EPB41L4A: variants seen among roughly 807,000 people sequenced by gnomAD.
EPB41L4A encodes the protein erythrocyte membrane protein band 4.1 like 4A, also known as band 4.1-like protein 4A.
Under a neutral mutation model 108.6 loss-of-function variants are expected in EPB41L4A, and 100 were observed. The observed-to-expected ratio is 0.92, with a 90% CI of 0.78 to 1.09. The LOEUF (loss-of-function observed/expected upper bound fraction) is 1.09. EPB41L4A is among the 50% of genes least tolerant of loss of function. The pLI is 0.00. For synonymous variants in EPB41L4A, 319 were observed against 289.0 expected (o/e 1.10, Z -1.05); for missense variants, 1,030 against 842.7 (o/e 1.22, Z -2.75).
intron 12 of EPB41L4A, among the ~76,000 whole-genome samples, chr5:112,225,049 T>G (rs1352123048): frequency 6.6e-6 from 1 of 152,266 alleles, no homozygotes; most frequent in African/African-American, 2.4e-5. Context: ...GAGCTATTAT[T>G]ATGTTACTGT....
intron 2 of EPB41L4A, among the ~76,000 whole-genome samples, chr5:112,294,897 C>A (rs1753893173): frequency 6.6e-6 from 1 of 152,160 alleles, no homozygotes; most frequent in Admixed American, 6.5e-5. Flanking sequence ...TAATTTTAAG[C>A]CACAGAAGGA....
chr5:112,392,654 C>A (rs1279314311), intron 1 of EPB41L4A: 3 of 152,124 alleles, frequency 2.0e-5, no homozygotes, highest in Non-Finnish European at 4.4e-5. Context: ...GACTTTAACA[C>A]CCCACTGTCA....
At chr5:112,183,108 C>G (rs1402522415) in intron 18 of EPB41L4A, among the ~76,000 whole-genome samples, 1 of 151,920 alleles carries the variant, frequency 6.6e-6, no homozygotes, top group African/African-American at 2.4e-5. Flanking sequence ...TGGTGTGAAC[C>G]CCCCGGTACA....
intron 12 of EPB41L4A, among the ~76,000 whole-genome samples, chr5:112,150,752 T>C (rs1457792878): frequency 6.6e-6 from 1 of 152,234 alleles, no homozygotes; most frequent in African/African-American, 2.4e-5. Flanking sequence ...ATGTAAGGCA[T>C]ATTCATTTTA....
intron 1 of EPB41L4A, among the ~76,000 whole-genome samples, chr5:112,340,891 T>C (rs1269671033): frequency 1.3e-5 from 2 of 152,346 alleles, no homozygotes; most frequent in African/African-American, 2.4e-5. Flanking sequence ...CATTTACATA[T>C]ACCCTTCGAC....
chr5:112,268,961 CAG>C (rs1281134277), intron 4 of EPB41L4A, among the ~76,000 whole-genome samples: 1 of 147,696 alleles, frequency 6.8e-6, no homozygotes, highest in African/African-American at 2.5e-5. Flanking sequence ...AACAGAGGAA[CAG>C]AGAGATTAAA....
At chr5:112,364,036 C>T (rs1758960055) in intron 1 of EPB41L4A, among the ~76,000 whole-genome samples, 1 of 152,084 alleles carries the variant, frequency 6.6e-6, no homozygotes, top group South Asian at 2.1e-4. Flanking sequence ...TTCATTCATT[C>T]ATTTATTTTT....
At chr5:112,233,071 T>A (rs1454820338) in intron 12 of EPB41L4A, among the ~76,000 whole-genome samples, 1 of 151,782 alleles carries the variant, frequency 6.6e-6, no homozygotes, top group Non-Finnish European at 1.5e-5. Flanking sequence ...AACCCAAATA[T>A]CCATCAACAG....
At chr5:112,271,101 C>T (rs1180319509) in intron 4 of EPB41L4A, among the ~76,000 whole-genome samples, 2 of 152,174 alleles carry the variant, frequency 1.3e-5, no homozygotes, top group Non-Finnish European at 2.9e-5. Context: ...ACTCAGCACA[C>T]TGTAACATGG....
chr5:112,154,273 C>T (rs1476956646), intron 12 of EPB41L4A, among the ~76,000 whole-genome samples: 1 of 152,186 alleles, frequency 6.6e-6, no homozygotes, highest in Non-Finnish European at 1.5e-5. Context: ...CCAGTGAATA[C>T]ACTCTGTACA....
chr5:112,261,983 G>C (rs1183589132), intron 7 of EPB41L4A, among the ~76,000 whole-genome samples: 1 of 148,922 alleles, frequency 6.7e-6, no homozygotes, highest in Non-Finnish European at 1.5e-5. Flanking sequence ...CTGCCTCCCA[G>C]GTGGTTCAAG....
At chr5:112,238,359 T>G (rs959865292) in intron 11 of EPB41L4A, among the ~76,000 whole-genome samples, 9 of 152,246 alleles carry the variant, frequency 5.9e-5, no homozygotes, top group African/African-American at 1.7e-4. Flanking sequence ...AATACCTTCA[T>G]GTAAATTCCA....
At chr5:112,325,051 T>C (rs1756055013) in intron 1 of EPB41L4A, among the ~76,000 whole-genome samples, 2 of 152,262 alleles carry the variant, frequency 1.3e-5, no homozygotes, top group East Asian at 3.9e-4. Flanking sequence ...TGGCTGTTAG[T>C]AGTAAAAATA....
At position 112,243,275 on chromosome 5, in the gene EPB41L4A, GTA is replaced by G. The variant is rs112296906; in HGVS notation, c.796-2467_796-2466del. Among the ~76,000 whole-genome samples, 757 of 130,630 alleles carry G rather than the reference GTA, an allele frequency of 5.8e-3. 18 individuals carry two copies. Among genetic ancestry groups the G allele is most frequent in the South Asian group, 0.057 (258 of 4,498 alleles). 85.7% of individuals were successfully genotyped at this position (130,630 alleles called of 152,430 possible). A position where few individuals can be genotyped will look rare whatever the true frequency, so the allele number is the denominator to read the frequency against. On this transcript the variant is annotated intron_variant, in intron 9 of 22. Coordinates refer to ENST00000261486, the MANE Select transcript of EPB41L4A (RefSeq NM_022140.5). ...CACACACACATATATATATGTGTGT[GTA>G]TATATATATATATATTTTGTTTGTT...
chr5:112,395,145 G>C (rs1181459814), intron 1 of EPB41L4A, among the ~76,000 whole-genome samples: 2 of 152,152 alleles, frequency 1.3e-5, no homozygotes, highest in African/African-American at 4.8e-5. Flanking sequence ...ACGAACCCTA[G>C]AAGAAAACCT....
intron 1 of EPB41L4A, among the ~76,000 whole-genome samples, chr5:112,349,132 G>C (rs1757874248): frequency 6.6e-6 from 1 of 152,230 alleles, no homozygotes; most frequent in Non-Finnish European, 1.5e-5. Context: ...AGAGGGGACA[G>C]TTTCAGTAGA....
rs180683810 is a variant in EPB41L4A, at chr5:112,165,615, T to G, written c.1933-497A>C. Among the ~76,000 whole-genome samples the G allele has an allele frequency of 3.2e-3, 489 of 152,280 alleles. 3 individuals are homozygous for G. Among genetic ancestry groups the G allele is most frequent in the African/African-American group, 0.011 (459 of 41,552 alleles). On this transcript the variant is annotated intron_variant, in intron 22 of 22. Transcript: ENST00000261486. ...ATCCACTAGTTTGTAAAACTTAGGT[T>G]TTACACATCTCCCATCATCACTGGT...
intron 12 of EPB41L4A, among the ~76,000 whole-genome samples, chr5:112,147,414 C>T (rs545752514): frequency 1.2e-4 from 18 of 152,006 alleles, no homozygotes; most frequent in South Asian, 8.3e-4. Flanking sequence ...CCGAGGCAGG[C>T]GGATCACCTG....
intron 2 of EPB41L4A, among the ~76,000 whole-genome samples, chr5:112,281,551 G>A (rs1580601367): frequency 6.6e-6 from 1 of 152,162 alleles, no homozygotes; most frequent in African/African-American, 2.4e-5. Flanking sequence ...GGACCCCCAG[G>A]GCCAAGCCAC....
Sources: gnomAD v4.1 joint callset for allele counts (sites outside exome capture counted in the v4.1 genomes callset) on GRCh38, gnomAD v4.1.1 for gene constraint, MANE v1.5 for transcripts, NCBI Gene and HGNC (gene_info 2026-07-23, HGNC 2026-07-21) for gene names.